Variants in MED1 observed in about 807,000 individuals in gnomAD.
MED1 encodes mediator complex subunit 1, also known as mediator of RNA polymerase II transcription subunit 1.
Under a neutral mutation model 121.3 loss-of-function variants are expected in MED1, and 17 were observed. The observed-to-expected ratio is 0.14, with a 90% CI of 0.10 to 0.21. The LOEUF is 0.21. Ranked by LOEUF, MED1 falls within the 10% of genes least tolerant of loss-of-function variation. The pLI, the probability that MED1 is intolerant of heterozygous loss-of-function variation, is 1.00. For missense variants in MED1, 1,558 were observed against 1,919.4 expected (o/e 0.81, Z 3.52); for synonymous variants, 661 against 694.4 (o/e 0.95, Z 0.76).
At chr17:39,415,814 C>CA (rs61614470) in intron 14 of MED1, among the ~76,000 whole-genome samples, 3,249 of 40,630 alleles carry the variant, frequency 0.08, 203 homozygotes, top group Non-Finnish European at 0.09. Context: ...GACTCCATCT[C>CA]AAAAAAAAAA....
At chr17:39,437,754 G>A (rs1567650911) in intron 6 of MED1, among the ~76,000 whole-genome samples, 1 of 151,910 alleles carries the variant, frequency 6.6e-6, no homozygotes, top group Non-Finnish European at 1.5e-5. Flanking sequence ...GGGCAACACG[G>A]TGAAACCCCG....
In MED1 at chr17:39,406,370, G is replaced by A; in HGVS notation, c.*1105C>T. On this transcript the variant is annotated 3_prime_UTR_variant, in exon 17 of 17. Coordinates refer to ENST00000300651, the MANE Select transcript of MED1 (RefSeq NM_004774.4). ...TCCTTGTGATGAAGAGAAACAGTGA[G>A]TCCAGCTCTTAGGAATGGCATCAGT... 2 of 985,562 alleles carry A rather than the reference G, an allele frequency of 2.0e-6. No individual in the cohort carries two copies. The highest frequency in any genetic ancestry group is 5.2e-4 in the Middle Eastern group (1 of 1,914). The allele number at this position is 985,562 out of a possible 1,614,324, so 61.1% of individuals were successfully genotyped here. A position where few individuals can be genotyped will look rare whatever the true frequency, so the allele number is the denominator to read the frequency against.
intron 2 of MED1, among the ~76,000 whole-genome samples, chr17:39,447,334 T>G (rs1464526829): frequency 1.3e-5 from 2 of 150,870 alleles, no homozygotes; most frequent in Non-Finnish European, 2.9e-5. Flanking sequence ...GAGGTTGCAG[T>G]GAGCCGAGAT....
At chr17:39,423,472 A>G (rs2048486445) in intron 12 of MED1, 27 bp from the exon 13 acceptor site, 1 of 1,560,870 alleles carries the variant, frequency 6.4e-7, no homozygotes, top group African/African-American at 1.4e-5. Flanking sequence ...CAATATAATG[A>G]TCATGTTAAG....
intron 2 of MED1, among the ~76,000 whole-genome samples, chr17:39,444,136 G>A (rs1230556081): frequency 2.0e-5 from 3 of 152,138 alleles, no homozygotes; most frequent in African/African-American, 7.2e-5. Flanking sequence ...ATTTGGTAGT[G>A]TACAAATTTA....
intron 16 of MED1, 51 bp from the exon 17 acceptor site, chr17:39,410,772 A>G: frequency 6.5e-7 from 1 of 1,537,692 alleles, no homozygotes; most frequent in South Asian, 1.3e-5. Context: ...CTGCTGAATG[A>G]GACCTGAGAT....
rs765143334 is a variant in MED1, at chr17:39,408,244, T to G, written c.3977A>C (p.Asp1326Ala). 3.1e-6 allele frequency: 5 copies of G among 1,614,116 alleles called. No individual in the cohort carries two copies. The Admixed American group carries it at 5.0e-5, about 16-fold the overall frequency. The change falls in exon 17 of 17, where the codon GAC becomes GCC. Residue 1326 changes from aspartate (D) to alanine (A), a missense_variant. Coordinates refer to ENST00000300651, the MANE Select transcript of MED1 (RefSeq NM_004774.4). The surrounding 1 kb of genome is among the most constrained non-coding windows in gnomAD (Gnocchi z 4.7). ...ATTTGTGCTCACCCCCATCTGGCCG[T>G]CCAGTGGGTCTTCACCCCCAGGGCC... ...TSGPGGEDPL[D>A]GQMGVSTNSS...
intron 6 of MED1, among the ~76,000 whole-genome samples, chr17:39,438,007 T>C (rs912841068): frequency 2.6e-5 from 4 of 151,550 alleles, no homozygotes; most frequent in Non-Finnish European, 4.4e-5. Context: ...ACCGCACCAT[T>C]ATACTCCAGA....
chr17:39,445,195 A>G (rs996049627), intron 2 of MED1, among the ~76,000 whole-genome samples: 1 of 151,928 alleles, frequency 6.6e-6, no homozygotes, highest in Admixed American at 6.6e-5. Flanking sequence ...ATAAGCATAC[A>G]GTATGTCAGT....
chr17:39,406,372 C>G lies in MED1; in HGVS notation c.*1103G>C, dbSNP rs2048303539. 1.0e-6 allele frequency: 1 copy of G among 985,354 alleles called. No individual in the cohort carries two copies. The highest frequency in any genetic ancestry group is 6.2e-5 in the Admixed American group (1 of 16,230). 61.0% of individuals were successfully genotyped at this position (985,354 alleles called of 1,614,324 possible). On this transcript the variant is annotated 3_prime_UTR_variant, in exon 17 of 17. Transcript: ENST00000300651. ...CTTGTGATGAAGAGAAACAGTGAGTCCAGCTCTTAGGAATGGCATCAGTTC... is the reference window on the plus strand; with the variant it reads ...CTTGTGATGAAGAGAAACAGTGAGTGCAGCTCTTAGGAATGGCATCAGTTC...
chr17:39,435,071 G>A (rs112748226), intron 6 of MED1, among the ~76,000 whole-genome samples: 4 of 152,234 alleles, frequency 2.6e-5, no homozygotes, highest in African/African-American at 9.6e-5. Flanking sequence ...AGGAGGCTGA[G>A]GCAGGAGAAC....
In MED1 at chr17:39,406,013, A is replaced by G. The variant is rs2144708501; in HGVS notation, c.*1462T>C. On this transcript the variant is annotated 3_prime_UTR_variant, in exon 17 of 17. Transcript: ENST00000300651. ...CAGGAATGGCACAGTGCAGGTGTCA[A>G]TATCAAAGTAAGGCCGCAGAATTTT... is the stretch of plus-strand genomic sequence containing the variant. 1.0e-6 allele frequency: 1 copy of G among 985,552 alleles called. No homozygotes were observed. The highest frequency in any genetic ancestry group is 1.2e-6 in the Non-Finnish European group (1 of 829,926). 61.1% of individuals were successfully genotyped at this position (985,552 alleles called of 1,614,324 possible).
At chr17:39,420,989 G>A (rs1289321424) in intron 13 of MED1, among the ~76,000 whole-genome samples, 1 of 151,322 alleles carries the variant, frequency 6.6e-6, no homozygotes, top group African/African-American at 2.4e-5. Context: ...GTAGTGACGG[G>A]GTTTCACCAT....
chr17:39,441,643 G>A (rs925556321), intron 3 of MED1, among the ~76,000 whole-genome samples: 1 of 152,172 alleles, frequency 6.6e-6, no homozygotes, highest in Non-Finnish European at 1.5e-5. Context: ...GGTGGTGCGC[G>A]CCTATAATCC....
chr17:39,431,372 G>A, intron 8 of MED1, 184 bp from the exon 9 acceptor site: 1 of 451,850 alleles, frequency 2.2e-6, no homozygotes, highest in Non-Finnish European at 4.0e-6. Flanking sequence ...CCGCTTCCCA[G>A]GTTCCAGTGA....
At chr17:39,443,406 C>T (rs1476701080) in intron 3 of MED1, 144 bp downstream of exon 3, 1 of 630,544 alleles carries the variant, frequency 1.6e-6, no homozygotes, top group East Asian at 2.7e-5. Context: ...AAAGATCATT[C>T]CAACTCCATA....
chr17:39,419,599 T>TA, intron 14 of MED1, 118 bp downstream of exon 14: 1 of 902,264 alleles, frequency 1.1e-6, no homozygotes, highest in Non-Finnish European at 1.7e-6. Flanking sequence ...ATGCCAAATA[T>TA]GAAAAAAAAA....
At position 39,409,204 on chromosome 17, in the gene MED1, T is replaced by G. The variant is rs779815237; in HGVS notation, c.3017A>C (p.Lys1006Thr). The G allele has an allele frequency of 6.2e-7, 1 of 1,614,166 alleles. No individual in the cohort carries two copies. Among genetic ancestry groups the G allele is most frequent in the Non-Finnish European group, 8.5e-7 (1 of 1,180,024 alleles). Residue 1006 changes from lysine (K) to threonine (T), a missense_variant, in exon 17 of 17, where the codon AAA becomes ACA. Transcript: ENST00000300651. Reference protein sequence around the residue: ...SRTPSNDGKSKDKPPKRKKAD... With the variant: ...SRTPSNDGKSTDKPPKRKKAD... ...CTTCTTCCGCTTTGGAGGCTTATCT[T>G]TGCTTTTCCCATCATTAGAAGGGGT...
In MED1 at chr17:39,427,740, C is replaced by T. The variant is rs1214631837; in HGVS notation, c.700G>A (p.Asp234Asn). ...AAAATGATGGGAGATGCAGTCTTGT[C>T]ATCCAGTAGGTCAGAAGGAGAGACA... ...YYVSPSDLLD[D>N]KTASPIILHE... The change falls in exon 10 of 17, where the codon GAC becomes AAC. Residue 234 changes from aspartate to asparagine, a missense_variant. Physicochemically the swap from Asp to Asn is conservative, Grantham distance 23. Coordinates refer to ENST00000300651, the MANE Select transcript of MED1 (RefSeq NM_004774.4). 3.6e-5 allele frequency: 58 copies of T among 1,605,334 alleles called. No individual in the cohort carries two copies. Among genetic ancestry groups the T allele is most frequent in the Non-Finnish European group, 4.9e-5 (57 of 1,172,472 alleles).
Sources: allele counts gnomAD v4.1 joint callset (sites outside exome capture counted in the v4.1 genomes callset), GRCh38; gene constraint gnomAD v4.1.1; non-coding constraint Gnocchi (gnomAD v3.1); transcripts MANE v1.5; gene names NCBI Gene and HGNC (gene_info 2026-07-23, HGNC 2026-07-21).